The following ZFP30 variants were observed in gnomAD, a reference collection of about 807,000 sequenced individuals.
The protein encoded by ZFP30 is ZFP30 zinc finger protein.
Under a neutral mutation model 12.3 loss-of-function variants are expected in ZFP30, and 16 were observed. The observed-to-expected ratio is 1.30, with a 90% CI of 0.88 to 1.98. The LOEUF is 1.98. ZFP30 is among the 30% of genes most tolerant of loss of function. The pLI, the probability that ZFP30 is intolerant of heterozygous loss-of-function variation, is 0.00. For synonymous variants in ZFP30, 172 were observed against 201.0 expected, an observed-to-expected ratio of 0.86 and a Z score of 1.22; for missense variants, 560 against 611.2, an observed-to-expected ratio of 0.92 and a Z score of 0.88.
At chr19:37,636,503 G>C (rs557100877) in intron 5 of ZFP30, among the ~76,000 whole-genome samples, 198 bp from the exon 6 acceptor site, 1 of 152,024 alleles carries the variant, frequency 6.6e-6, no homozygotes, top group East Asian at 1.9e-4. Context: ...GTTAAGACCA[G>C]GTTATTTGGG....
At position 37,644,487 on chromosome 19, in the gene ZFP30, T is replaced by C. The variant is rs533644101; in HGVS notation, c.136+123A>G. ...AGGTAGAGGTTGCAGTAAGCCAAGA[T>C]TGCGCCACTGCACTTCAGCCTGGTG... On this transcript the variant is annotated intron_variant, in intron 4 of 5. Coordinates refer to ENST00000684514, the MANE Select transcript of ZFP30 (RefSeq NM_001320669.3). 46 of 1,080,946 alleles carry C rather than the reference T, an allele frequency of 4.3e-5. No homozygotes were observed. In the South Asian group the frequency reaches 6.7e-4, roughly 16 times the overall value. The allele number at this position is 1,080,946 out of a possible 1,614,324, so 67.0% of individuals were successfully genotyped here.
chr19:37,643,126 C>G, intron 5 of ZFP30, 139 bp downstream of exon 5: 2 of 570,370 alleles, frequency 3.5e-6, no homozygotes, highest in Non-Finnish European at 6.2e-6. Flanking sequence ...TCTTTGATGG[C>G]TCATGCTGAG....
Position 37,636,258 on chromosome 19 carries a change from T to C in ZFP30, c.283A>G (p.Ile95Val). 4 of 1,603,902 alleles carry C rather than the reference T, an allele frequency of 2.5e-6. No homozygotes were observed. The highest frequency in any genetic ancestry group is 3.4e-6 in the Non-Finnish European group (4 of 1,176,226). ...DTKKLFQGKDIYEMNLSQWKV... is the reference protein window; with the variant it reads ...DTKKLFQGKDVYEMNLSQWKV... ...CACTGAGATAAGTTCATTTCATAAA[T>C]ATCCTTTCCTTGAAATAACTTTTTA... The change falls in exon 6 of 6, where the codon ATT (isoleucine) becomes GTT (valine). Residue 95 changes from isoleucine to valine, a missense_variant. Ile to Val is a conservative substitution (Grantham distance 29). Transcript: ENST00000684514.
chr19:37,638,261 GA>G (rs2044368880), intron 5 of ZFP30, among the ~76,000 whole-genome samples: 1 of 152,070 alleles, frequency 6.6e-6, no homozygotes, highest in African/African-American at 2.4e-5. Flanking sequence ...ATCTTTACTT[GA>G]GTTTACGTAA....
At position 37,654,698 on chromosome 19, in the gene ZFP30, CA is replaced by C. The variant is rs2147299540; in HGVS notation, c.-78+13del. Reference sequence around the variant, plus strand: ...AATGCATTTCACAGAAACAAAGCAGCAGCACGAACTCACAGGGAACCGGCTT... The same window carrying C: ...AATGCATTTCACAGAAACAAAGCAGCGCACGAACTCACAGGGAACCGGCTT... On this transcript the variant is annotated intron_variant, in intron 2 of 5. Transcript: ENST00000684514. 1 of 152,382 alleles carries C rather than the reference CA, an allele frequency of 6.6e-6. No individual in the cohort carries two copies. The highest frequency in any genetic ancestry group is 1.5e-5 in the Non-Finnish European group (1 of 68,070). 9.4% of individuals were successfully genotyped at this position (152,382 alleles called of 1,614,324 possible).
chr19:37,647,467 C>T (rs2044565452), intron 3 of ZFP30, among the ~76,000 whole-genome samples: 1 of 152,210 alleles, frequency 6.6e-6, no homozygotes. Context: ...CATTCATTCA[C>T]TCTTTGCCTG....
chr19:37,637,246 C>T, intron 5 of ZFP30, among the ~76,000 whole-genome samples: 1 of 149,150 alleles, frequency 6.7e-6, no homozygotes. Flanking sequence ...CTCTTGTTGC[C>T]CAAGCTGGAG....
intron 5 of ZFP30, among the ~76,000 whole-genome samples, chr19:37,640,651 C>A (rs1213200682): frequency 6.6e-6 from 1 of 151,276 alleles, no homozygotes; most frequent in Non-Finnish European, 1.5e-5. Flanking sequence ...CTCTGGCAGG[C>A]CGAGGCAGAC....
Position 37,635,604 on chromosome 19 carries a change from G to A in ZFP30, c.937C>T (p.Leu313Phe). 6.2e-7 allele frequency: 1 copy of A among 1,614,140 alleles called. No homozygotes were observed. The highest frequency in any genetic ancestry group is 8.5e-7 in the Non-Finnish European group (1 of 1,180,022). The change falls in exon 6 of 6, where the codon CTT becomes TTT. Residue 313 changes from leucine to phenylalanine, a missense_variant. By Grantham distance (22) the Leu-to-Phe change is conservative. Transcript: ENST00000684514. ...GTATGAAGTTTGTGATGTAGTCGAA[G>A]GCCTGTACTACACAGAAAGGCCTGA... ...CGQAFLCSTGLRLHHKLHTGE... is the reference protein window; with the variant it reads ...CGQAFLCSTGFRLHHKLHTGE...
At chr19:37,644,916 CAAAAA>C (rs34274239) in intron 3 of ZFP30, among the ~76,000 whole-genome samples, 180 bp from the exon 4 acceptor site, 1 of 149,418 alleles carries the variant, frequency 6.7e-6, no homozygotes, top group African/African-American at 2.5e-5. Context: ...GAACTTGTCT[CAAAAA>C]AAAAGGCCGG....
intron 5 of ZFP30, 56 bp downstream of exon 5, chr19:37,643,209 C>G: frequency 7.0e-7 from 1 of 1,433,108 alleles, no homozygotes; most frequent in South Asian, 1.3e-5. Flanking sequence ...GTCTCCTCCT[C>G]AACCAGCAGG....
chr19:37,647,983 C>A, intron 2 of ZFP30, 84 bp from the exon 3 acceptor site: 1 of 697,854 alleles, frequency 1.4e-6, no homozygotes, highest in East Asian at 2.7e-5. Context: ...TTCTCCATTC[C>A]TATATGCAAC....
chr19:37,643,440 A>G (rs940309255), intron 4 of ZFP30, 77 bp from the exon 5 acceptor site: 18 of 1,076,266 alleles, frequency 1.7e-5, no homozygotes, highest in Non-Finnish European at 2.0e-5. Flanking sequence ...GGATTGAAAA[A>G]CATTCATAGC....
At chr19:37,653,475 T>C (rs1939981165) in intron 2 of ZFP30, among the ~76,000 whole-genome samples, 1 of 152,256 alleles carries the variant, frequency 6.6e-6, no homozygotes, top group South Asian at 2.1e-4. Flanking sequence ...AAACCTTTAT[T>C]GTAGTATACA....
chr19:37,655,092 G>A (rs1415244645), intron 1 of ZFP30: 1 of 152,336 alleles, frequency 6.6e-6, no homozygotes, highest in Non-Finnish European at 1.5e-5. Flanking sequence ...TCATCCTGGG[G>A]CGTTCACCTC....
intron 3 of ZFP30, among the ~76,000 whole-genome samples, chr19:37,645,877 T>C (rs184502337): frequency 6.6e-6 from 1 of 152,326 alleles, no homozygotes; most frequent in East Asian, 1.9e-4. Context: ...TTTATCATAA[T>C]GTATCATTAG....
intron 5 of ZFP30, among the ~76,000 whole-genome samples, chr19:37,637,058 G>C (rs2044342571): frequency 6.6e-6 from 1 of 151,976 alleles, no homozygotes; most frequent in Non-Finnish European, 1.5e-5. Context: ...AAATCTCCCA[G>C]GAATCCTGAC....
chr19:37,634,800 G>T lies in ZFP30; in HGVS notation c.*181C>A. On this transcript the variant is annotated 3_prime_UTR_variant, in exon 6 of 6. Coordinates refer to ENST00000684514, the MANE Select transcript of ZFP30 (RefSeq NM_001320669.3). Reference sequence around the variant, plus strand: ...GGATGAATTTCCTAAAGTTTAACATGGTTTCAAAGGTGATGAAAGGCTTCT... The same window carrying T: ...GGATGAATTTCCTAAAGTTTAACATTGTTTCAAAGGTGATGAAAGGCTTCT... The T allele has an allele frequency of 1.6e-6, 1 of 606,818 alleles. No homozygotes were observed. The highest frequency in any genetic ancestry group is 2.5e-6 in the Non-Finnish European group (1 of 399,230). 37.6% of individuals were successfully genotyped at this position (606,818 alleles called of 1,614,324 possible). A position where few individuals can be genotyped will look rare whatever the true frequency, so the allele number is the denominator to read the frequency against.
rs1050178411 is a variant in ZFP30 at position 37,633,838 on chromosome 19, T to G, written c.*1143A>C. 2 of 152,208 alleles carry G rather than the reference T, an allele frequency of 1.3e-5. No homozygotes were observed. Among genetic ancestry groups the G allele is most frequent in the African/African-American group, 4.8e-5 (2 of 41,460 alleles). 9.4% of individuals were successfully genotyped at this position (152,208 alleles called of 1,614,324 possible). On this transcript the variant is annotated 3_prime_UTR_variant, in exon 6 of 6. Transcript: ENST00000684514. Reference sequence around the variant, plus strand: ...CAAACTTGTTATTCATCCTCATTTTTCTTTTGTATGAACAAAAGGACATTC... The same window carrying G: ...CAAACTTGTTATTCATCCTCATTTTGCTTTTGTATGAACAAAAGGACATTC...
Sources: allele counts gnomAD v4.1 joint callset (sites outside exome capture counted in the v4.1 genomes callset), GRCh38; gene constraint gnomAD v4.1.1; transcripts MANE v1.5; gene names NCBI Gene and HGNC (gene_info 2026-07-23, HGNC 2026-07-21).